Variants in CEP97 observed in about 807,000 individuals in gnomAD.
CEP97 encodes the protein centrosomal protein 97.
Under a neutral mutation model 73.1 loss-of-function variants are expected in CEP97, and 43 were observed. The ratio of observed to expected loss-of-function variants is 0.59; its 90% CI spans 0.46 to 0.76. The LOEUF (loss-of-function observed/expected upper bound fraction) is 0.76. Ranked by LOEUF, CEP97 falls within the 30% of genes least tolerant of loss-of-function variation. The probability of loss-of-function intolerance (pLI) is 0.00; values close to 1 mark genes in which losing one functional copy is unlikely to be tolerated. For synonymous variants in CEP97, 337 were observed against 370.0 expected (o/e 0.91, Z 1.02); for missense variants, 939 against 1,014.0 (o/e 0.93, Z 1.00).
intron 2 of CEP97, among the ~76,000 whole-genome samples, chr3:101,727,139 T>TA (rs968503449): frequency 6.7e-4 from 102 of 152,326 alleles, no homozygotes; most frequent in African/African-American, 2.4e-3. Context: ...GTTGCTGTGT[T>TA]AAAAATGTCT....
intron 6 of CEP97, among the ~76,000 whole-genome samples, chr3:101,743,608 CT>C (rs1403702844): frequency 1.3e-5 from 2 of 152,064 alleles, no homozygotes. Context: ...GTTGCCCGGG[CT>C]GGTCTTGAAT....
chr3:101,731,616 G>A (rs1486009051), intron 4 of CEP97, among the ~76,000 whole-genome samples: 2 of 152,302 alleles, frequency 1.3e-5, no homozygotes, highest in African/African-American at 2.4e-5. Context: ...TTTTGGACAA[G>A]TCTTTAAAAT....
At chr3:101,728,092 C>A (rs553109138) in intron 3 of CEP97, among the ~76,000 whole-genome samples, 1 of 152,060 alleles carries the variant, frequency 6.6e-6, no homozygotes, top group Non-Finnish European at 1.5e-5. Context: ...AGACATTATG[C>A]GTGTTATAAA....
chr3:101,746,957 T>C (rs1166880989), intron 6 of CEP97, among the ~76,000 whole-genome samples: 2 of 148,750 alleles, frequency 1.3e-5, no homozygotes, highest in Non-Finnish European at 3.0e-5. Flanking sequence ...ATCAGAGAAA[T>C]GCAAATCAAA....
intron 6 of CEP97, among the ~76,000 whole-genome samples, chr3:101,736,029 C>T (rs1303299617): frequency 6.6e-6 from 1 of 152,150 alleles, no homozygotes; most frequent in Non-Finnish European, 1.5e-5. Flanking sequence ...TCTGCCTTTA[C>T]CGAGGTGCGA....
intron 6 of CEP97, among the ~76,000 whole-genome samples, chr3:101,747,325 T>C (rs1431140239): frequency 6.7e-6 from 1 of 149,728 alleles, no homozygotes; most frequent in Non-Finnish European, 1.5e-5. Context: ...AGTGGCACGA[T>C]CTCGGCTCAC....
At chr3:101,747,966 A>T (rs1397609240) in intron 6 of CEP97, among the ~76,000 whole-genome samples, 3 of 151,418 alleles carry the variant, frequency 2.0e-5, no homozygotes, top group Non-Finnish European at 4.4e-5. Context: ...CTAAAAAAAA[A>T]ATAAAAAATG....
intron 6 of CEP97, among the ~76,000 whole-genome samples, chr3:101,737,153 A>G (rs1487984788): frequency 1.3e-5 from 2 of 152,242 alleles, no homozygotes; most frequent in Admixed American, 1.3e-4. Context: ...AAAAGAATGA[A>G]AAGGAATGAA....
intron 3 of CEP97, among the ~76,000 whole-genome samples, chr3:101,728,262 GTT>G (rs5851280): frequency 5.6e-4 from 76 of 135,354 alleles, no homozygotes; most frequent in South Asian, 9.5e-4. Flanking sequence ...GGTTTCTTTT[GTT>G]TTTTTTTTTT....
chr3:101,733,382 C>A (rs574677018), intron 6 of CEP97, among the ~76,000 whole-genome samples: 1 of 152,044 alleles, frequency 6.6e-6, no homozygotes, highest in Admixed American at 6.6e-5. Context: ...TCATCCAGCT[C>A]CAAATGCCAT....
intron 1 of CEP97, among the ~76,000 whole-genome samples, chr3:101,725,737 T>C (rs1937859880): frequency 6.6e-6 from 1 of 152,202 alleles, no homozygotes; most frequent in Non-Finnish European, 1.5e-5. Context: ...GCCGTTTCTC[T>C]GGCCCCGCCC....
chr3:101,751,762 T>C (rs1938829541), intron 6 of CEP97, among the ~76,000 whole-genome samples: 1 of 152,162 alleles, frequency 6.6e-6, no homozygotes, highest in African/African-American at 2.4e-5. Context: ...TTCCATTTGC[T>C]TGGTAGATCT....
chr3:101,762,327 AAAAAT>A (rs1939195154), intron 9 of CEP97, among the ~76,000 whole-genome samples, 153 bp from the exon 10 acceptor site: 1 of 152,344 alleles, frequency 6.6e-6, no homozygotes, highest in Non-Finnish European at 1.5e-5. Flanking sequence ...TTAAAAAAAT[AAAAAT>A]AAAATAAGGT....
chr3:101,750,874 C>T (rs945445118), intron 6 of CEP97, among the ~76,000 whole-genome samples: 1 of 152,116 alleles, frequency 6.6e-6, no homozygotes, highest in African/African-American at 2.4e-5. Context: ...CTCCTGGATT[C>T]ATTAATTGTT....
Position 101,727,432 on chromosome 3 carries a change from T to C in CEP97, c.236T>C (p.Leu79Pro), listed in dbSNP as rs1937929868. Residue 79 changes from leucine to proline, a missense_variant, in exon 3 of 11, where the codon CTG becomes CCG. Physicochemically the swap from Leu to Pro is moderately conservative, Grantham distance 98. Transcript: ENST00000341893. ...RLVRMMGVAK[L>P]TLLRVLNLPH... The stretch of plus-strand genomic sequence containing the variant: ...GTTCGGATGATGGGTGTGGCCAAGC[T>C]GACGTTGCTTCGTGTATTAAATTTG... 6.2e-7 allele frequency: 1 copy of C among 1,613,922 alleles called. No individual in the cohort carries two copies. Among genetic ancestry groups the C allele is most frequent in the Admixed American group, 1.7e-5 (1 of 59,990 alleles).
chr3:101,750,525 G>T lies in CEP97; in HGVS notation c.729-4905G>T, dbSNP rs1025629225. Among the ~76,000 whole-genome samples, 7 of 152,188 alleles carry T rather than the reference G, an allele frequency of 4.6e-5. No individual in the cohort carries two copies. In the East Asian group the frequency reaches 7.7e-4, roughly 17 times the overall value. On this transcript the variant is annotated intron_variant, in intron 6 of 10. Transcript: ENST00000341893. Reference sequence around the variant, plus strand: ...CTTGTACCTCTGGTAGAATTTGGCTGTGAATCCATCTGGTCCTGGACTCTT... The same window carrying T: ...CTTGTACCTCTGGTAGAATTTGGCTTTGAATCCATCTGGTCCTGGACTCTT...
chr3:101,732,421 A>C (rs1938142437), intron 5 of CEP97, 67 bp from the exon 6 acceptor site: 9 of 1,068,698 alleles, frequency 8.4e-6, no homozygotes, highest in Non-Finnish European at 1.3e-5. Context: ...AAGATATGTA[A>C]TCAGTGGAAA....
intron 1 of CEP97, among the ~76,000 whole-genome samples, chr3:101,725,422 G>A (rs544502961): frequency 2.8e-4 from 43 of 152,316 alleles, no homozygotes; most frequent in African/African-American, 9.6e-4. Flanking sequence ...CGGGGACAGG[G>A]CCCAGGGGTC....
intron 6 of CEP97, among the ~76,000 whole-genome samples, chr3:101,748,709 C>A (rs111624699): frequency 3.3e-5 from 5 of 152,130 alleles, no homozygotes; most frequent in Non-Finnish European, 5.9e-5. Flanking sequence ...GGCGCAATCT[C>A]GGCTTACTGC....
Sources: allele counts gnomAD v4.1 joint callset (sites outside exome capture counted in the v4.1 genomes callset), GRCh38; gene constraint gnomAD v4.1.1; transcripts MANE v1.5; gene names NCBI Gene and HGNC (gene_info 2026-07-23, HGNC 2026-07-21).